Variants in STIL observed in about 807,000 individuals in gnomAD.
STIL encodes the protein SCL-interrupting locus protein.
STIL carries 55 observed loss-of-function variants against 110.1 expected under a neutral mutation model. The ratio of observed to expected loss-of-function variants is 0.50; its 90% CI spans 0.40 to 0.63. The LOEUF (loss-of-function observed/expected upper bound fraction) is 0.63, where lower values mean the gene tolerates loss of function less well. STIL is among the 20% of genes least tolerant of loss of function. The probability of loss-of-function intolerance (pLI) is 0.00; values close to 1 mark genes in which losing one functional copy is unlikely to be tolerated. For synonymous variants in STIL, 481 were observed against 530.0 expected, an observed-to-expected ratio of 0.91 and a Z score of 1.27; for missense variants, 1,358 against 1,530.0, an observed-to-expected ratio of 0.89 and a Z score of 1.87.
intron 16 of STIL, among the ~76,000 whole-genome samples, chr1:47,259,092 T>C (rs1173084043): frequency 7.3e-6 from 1 of 136,664 alleles, no homozygotes; most frequent in Non-Finnish European, 1.5e-5. Flanking sequence ...GTTCACGCCA[T>C]TCTCGTGCCT....
intron 1 of STIL, chr1:47,313,121 C>CAAGT (rs1646183603): frequency 1.3e-5 from 2 of 152,156 alleles, no homozygotes; most frequent in Admixed American, 1.3e-4. Flanking sequence ...GTCAGGATTT[C>CAAGT]CAGACCAGCC....
chr1:47,263,984 C>T (rs924994901), intron 14 of STIL, among the ~76,000 whole-genome samples: 7 of 152,038 alleles, frequency 4.6e-5, no homozygotes, highest in Non-Finnish European at 7.4e-5. Flanking sequence ...AACTCCTGAC[C>T]TCAGGTGATC....
At chr1:47,265,210 T>C in intron 14 of STIL, among the ~76,000 whole-genome samples, 1 of 109,222 alleles carries the variant, frequency 9.2e-6, no homozygotes, top group Non-Finnish European at 1.7e-5. Context: ...CACTCCAGCC[T>C]GAGCAACAGA....
At chr1:47,271,533 T>C (rs1359763171) in intron 13 of STIL, among the ~76,000 whole-genome samples, 3 of 142,254 alleles carry the variant, frequency 2.1e-5, no homozygotes, top group Admixed American at 7.4e-5. Context: ...CACTCCAGCC[T>C]GTGTGACGGA....
intron 14 of STIL, 104 bp downstream of exon 14, chr1:47,269,531 T>C: frequency 1.3e-6 from 1 of 778,598 alleles, no homozygotes; most frequent in South Asian, 1.6e-5. Flanking sequence ...ACTGTAAACA[T>C]GCATCTAAAC....
intron 13 of STIL, among the ~76,000 whole-genome samples, chr1:47,271,151 T>C (rs1461741527): frequency 1.3e-5 from 2 of 152,214 alleles, no homozygotes; most frequent in African/African-American, 2.4e-5. Context: ...TTGGAAAAGA[T>C]ATATTTACAA....
chr1:47,291,250 A>G (rs1645479813), intron 8 of STIL, among the ~76,000 whole-genome samples: 1 of 152,042 alleles, frequency 6.6e-6, no homozygotes, highest in Non-Finnish European at 1.5e-5. Flanking sequence ...AATCCCAGCT[A>G]CTCAGGAGGC....
intron 16 of STIL, among the ~76,000 whole-genome samples, chr1:47,252,743 T>G (rs1644219758): frequency 6.8e-6 from 1 of 147,530 alleles, no homozygotes; most frequent in Non-Finnish European, 1.5e-5. Flanking sequence ...TTGCAATTAA[T>G]AAAAAACATC....
intron 6 of STIL, among the ~76,000 whole-genome samples, chr1:47,297,034 C>T (rs933410220): frequency 2.6e-5 from 4 of 152,190 alleles, no homozygotes; most frequent in African/African-American, 9.7e-5. Flanking sequence ...TGATAAATTT[C>T]TACTCCTTAA....
intron 2 of STIL, among the ~76,000 whole-genome samples, chr1:47,309,294 T>C (rs1374109051): frequency 6.6e-6 from 1 of 152,038 alleles, no homozygotes; most frequent in African/African-American, 2.4e-5. Flanking sequence ...CTTCTAAGAA[T>C]AGAAGACAAA....
chr1:47,291,935 G>A (rs1289920003), intron 8 of STIL, among the ~76,000 whole-genome samples: 1 of 151,760 alleles, frequency 6.6e-6, no homozygotes, highest in African/African-American at 2.4e-5. Context: ...ATGGCTTACT[G>A]CAGCCTGAAC....
chr1:47,251,858 C>A lies in STIL; in HGVS notation c.3145G>T (p.Val1049Phe). Residue 1049 changes from valine to phenylalanine, a missense_variant, in exon 17 of 17, where the codon GTT becomes TTT. Transcript: ENST00000371877. The part of the protein sequence containing the change: ...SGLNCMSFAN[V>F]GMSGLSPNGV... ...TTGGGGCTTAAGCCGCTCATGCCAA[C>A]ATTAGCAAATGACATGCAGTTTAAT... is the stretch of plus-strand genomic sequence containing the variant. The A allele has an allele frequency of 6.2e-7, 1 of 1,608,222 alleles. No individual in the cohort carries two copies. Among genetic ancestry groups the A allele is most frequent in the East Asian group, 2.2e-5 (1 of 44,860 alleles).
chr1:47,266,627 C>T (rs866433435), intron 14 of STIL, among the ~76,000 whole-genome samples: 5 of 152,168 alleles, frequency 3.3e-5, no homozygotes, highest in Admixed American at 1.3e-4. Context: ...GTGCTATTAT[C>T]CTGGGATGTT....
At chr1:47,297,535 C>T (rs11587014) in intron 6 of STIL, among the ~76,000 whole-genome samples, 41,162 of 151,784 alleles carry the variant, frequency 0.27, 5,860 homozygotes, top group Non-Finnish European at 0.32. Flanking sequence ...AATGCCTATG[C>T]CATAATGGGC....
chr1:47,314,729 A>ATT (rs34330805), upstream of STIL, among the ~76,000 whole-genome samples: 1 of 145,842 alleles, frequency 6.9e-6, no homozygotes. Context: ...TAGTGACATA[A>ATT]TTTTTTTTTT....
intron 16 of STIL, among the ~76,000 whole-genome samples, chr1:47,255,550 C>CAT (rs373134343): frequency 8.1e-6 from 1 of 123,540 alleles, no homozygotes; most frequent in Non-Finnish European, 1.6e-5. Context: ...CCCTGTCTCT[C>CAT]AAAAAAAAAA....
At position 47,281,217 on chromosome 1, in the gene STIL, TAAGA is replaced by T. The variant is rs1557740150; in HGVS notation, c.1249-12_1249-9del. ...TGGTTGGATCTTAGAAATCTACAAATAAGAAAGAAATAGAAAAAAAAAGTATTTT... is the reference window on the plus strand; with the variant it reads ...TGGTTGGATCTTAGAAATCTACAAATAAGAAATAGAAAAAAAAAGTATTTT... On this transcript the variant is annotated splice_polypyrimidine_tract_variant and intron_variant, in intron 11 of 16. Coordinates refer to ENST00000371877, the MANE Select transcript of STIL (RefSeq NM_001048166.1). The T allele has an allele frequency of 6.2e-7, 1 of 1,608,882 alleles. No individual in the cohort carries two copies. The highest frequency in any genetic ancestry group is 8.5e-7 in the Non-Finnish European group (1 of 1,178,510).
In STIL at chr1:47,260,356, T is replaced by C; in HGVS notation, c.3013A>G (p.Ser1005Gly). 1 of 1,614,202 alleles carries C rather than the reference T, an allele frequency of 6.2e-7. No individual in the cohort carries two copies. Among genetic ancestry groups the C allele is most frequent in the Non-Finnish European group, 8.5e-7 (1 of 1,180,026 alleles). Residue 1005 changes from serine to glycine, a missense_variant, in exon 16 of 17, where the codon AGC (serine) becomes GGC (glycine). Coordinates refer to ENST00000371877, the MANE Select transcript of STIL (RefSeq NM_001048166.1). ...GGAGAATCAATTTTTACTCCAAGGC[T>C]TCTTAGTTGCTTAAGAGTTGCATTA... ...VLNATLKQLR[S>G]LGVKIDSPTK...
chr1:47,299,930 G>C lies in STIL; in HGVS notation c.676C>G (p.Gln226Glu). 6.2e-7 allele frequency: 1 copy of C among 1,613,944 alleles called. No homozygotes were observed. Among genetic ancestry groups the C allele is most frequent in the Non-Finnish European group, 8.5e-7 (1 of 1,179,874 alleles). The change falls in exon 6 of 17, where the codon CAA becomes GAA. Residue 226 changes from glutamine (Q) to glutamate (E), a missense_variant. Transcript: ENST00000371877. Reference protein sequence around the residue: ...RNLSSNLNISQVQGTYKYGYL... With the variant: ...RNLSSNLNISEVQGTYKYGYL... ...CCATATTTATAAGTCCCTTGAACTT[G>C]AGAAATATTCAGATTACTGCTCAAG...
Sources: allele counts gnomAD v4.1 joint callset (sites outside exome capture counted in the v4.1 genomes callset), GRCh38; gene constraint gnomAD v4.1.1; transcripts MANE v1.5; gene names NCBI Gene and HGNC (gene_info 2026-07-23, HGNC 2026-07-21).